Variants in SPTBN1 observed in about 807,000 individuals in gnomAD.
SPTBN1 encodes spectrin beta, non-erythrocytic 1.
Under a neutral mutation model 266.4 loss-of-function variants are expected in SPTBN1, and 32 were observed. The observed-to-expected ratio is 0.12, with a 90% CI of 0.09 to 0.16. SPTBN1 has a LOEUF of 0.16. Among genes scored for constraint, SPTBN1 ranks in the 10% least tolerant of loss-of-function variants. The pLI is 1.00. For synonymous variants in SPTBN1, 1,336 were observed against 1,162.2 expected, an observed-to-expected ratio of 1.15 and a Z score of -3.04; for missense variants, 2,296 against 3,067.1, an observed-to-expected ratio of 0.75 and a Z score of 5.94.
chr2:54,611,171 A>G (rs767144242), intron 3 of SPTBN1, among the ~76,000 whole-genome samples: 5 of 152,236 alleles, frequency 3.3e-5, no homozygotes, highest in Non-Finnish European at 5.9e-5. Context: ...ACATCTATAT[A>G]TATTTTATGC....
rs1359465247 is a variant in SPTBN1 at position 54,649,920 on chromosome 2, G to A, written c.5508G>A (p.Gln1836=). 4.3e-6 allele frequency: 7 copies of A among 1,614,208 alleles called. No individual in the cohort carries two copies. The highest frequency in any genetic ancestry group is 5.9e-6 in the Non-Finnish European group (7 of 1,180,042). Residue 1836 remains glutamine (Q), a synonymous_variant, in exon 26 of 36, where the codon CAG becomes CAA. Coordinates refer to ENST00000356805, the MANE Select transcript of SPTBN1 (RefSeq NM_003128.3). The surrounding 1 kb of genome is among the most constrained non-coding windows in gnomAD (Gnocchi z 6.7). ...KKLPEELGRD[Q]NTVETLQRMH... is the part of the protein sequence containing the mutation. ...TCCCTGAGGAGCTTGGGAGAGATCA[G>A]AACACAGTGGAGACCTTACAGAGAA...
At chr2:54,572,154 T>C (rs946834332) in intron 2 of SPTBN1, among the ~76,000 whole-genome samples, 1 of 152,048 alleles carries the variant, frequency 6.6e-6, no homozygotes, top group African/African-American at 2.4e-5. Context: ...GCCACGGTAC[T>C]AAGGTACTTA....
rs879138624 is a variant in SPTBN1, at chr2:54,668,491, G to C, written c.7017G>C (p.Glu2339Asp). 3.0e-5 allele frequency: 49 copies of C among 1,614,088 alleles called. No individual in the cohort carries two copies. The highest frequency in any genetic ancestry group is 3.9e-5 in the Non-Finnish European group (46 of 1,180,050). Residue 2339 changes from glutamate to aspartate, a missense_variant, in exon 36 of 36, where the codon GAG (glutamate) becomes GAC (aspartate). Physicochemically the swap from Glu to Asp is conservative, Grantham distance 45. This residue lies in a region of SPTBN1 where 347 missense variants were observed against 368.5 expected (regional missense o/e 0.94). Coordinates refer to ENST00000356805, the MANE Select transcript of SPTBN1 (RefSeq NM_003128.3). ...CCAGCGTCGTCACCATCACCAGCGA[G>C]TCCAGTCCCGGCAAGCGGGAAAAGG... Reference protein sequence around the residue: ...LPTSVVTITSESSPGKREKDK... With the variant: ...LPTSVVTITSDSSPGKREKDK...
intron 1 of SPTBN1, chr2:54,515,647 T>G (rs1032387739): frequency 6.6e-6 from 1 of 152,154 alleles, no homozygotes; most frequent in Admixed American, 6.6e-5. Flanking sequence ...TCCTCCCATT[T>G]GAAGATGAAT....
At chr2:54,561,338 T>A (rs1393239379) in intron 2 of SPTBN1, among the ~76,000 whole-genome samples, 1 of 152,240 alleles carries the variant, frequency 6.6e-6, no homozygotes, top group Non-Finnish European at 1.5e-5. Context: ...CTCACCATGT[T>A]GCTCAGGCTG....
chr2:54,670,864 G>C lies in SPTBN1; in HGVS notation c.*2295G>C. 1 of 398,520 alleles carries C rather than the reference G, an allele frequency of 2.5e-6. No homozygotes were observed. Among genetic ancestry groups the C allele is most frequent in the East Asian group, 3.6e-5 (1 of 28,074 alleles). The allele number at this position is 398,520 out of a possible 1,614,324, so 24.7% of individuals were successfully genotyped here. A position where few individuals can be genotyped will look rare whatever the true frequency, so the allele number is the denominator to read the frequency against. ...ATGGGCAGCGAGAGGAGCGTCAGAA[G>C]ACCCCAGTCAAGACGTGTTCGCCAT... On this transcript the variant is annotated 3_prime_UTR_variant, in exon 36 of 36. Coordinates refer to ENST00000356805, the MANE Select transcript of SPTBN1 (RefSeq NM_003128.3).
intron 1 of SPTBN1, among the ~76,000 whole-genome samples, chr2:54,517,056 C>T (rs1439538411): frequency 1.3e-5 from 2 of 152,152 alleles, no homozygotes; most frequent in Non-Finnish European, 2.9e-5. Flanking sequence ...CTCCAAGTAG[C>T]AGGCTTCAGA....
At position 54,558,881 on chromosome 2, in the gene SPTBN1, C is replaced by T. The variant is rs1673073408; in HGVS notation, c.148+32315C>T. On this transcript the variant is annotated intron_variant, in intron 2 of 35. Transcript: ENST00000356805. The surrounding 1 kb of genome is among the most constrained non-coding windows in gnomAD (Gnocchi z 4.6). Reference sequence around the variant, plus strand: ...CCAGCTGGAAGGCAGATTCAAGCAGCTGCAAGGTAAGCCCCCTCCCAAAGG... The same window carrying T: ...CCAGCTGGAAGGCAGATTCAAGCAGTTGCAAGGTAAGCCCCCTCCCAAAGG... 1 of 1,613,324 alleles carries T rather than the reference C, an allele frequency of 6.2e-7. No homozygotes were observed. The highest frequency in any genetic ancestry group is 1.7e-5 in the Admixed American group (1 of 59,940).
Position 54,558,471 on chromosome 2 carries a change from G to A in SPTBN1, c.148+31905G>A, listed in dbSNP as rs1172869975. On this transcript the variant is annotated intron_variant, in intron 2 of 35. Coordinates refer to ENST00000356805, the MANE Select transcript of SPTBN1 (RefSeq NM_003128.3). This position sits in a 1 kb window ranked among gnomAD's most constrained non-coding sequence, Gnocchi z 4.6. ...AGGATTGGCCATATTTAAAAGTTCTGAAGTAGAACCTGCGCCTCCTCTCTG... is the reference window on the plus strand; with the variant it reads ...AGGATTGGCCATATTTAAAAGTTCTAAAGTAGAACCTGCGCCTCCTCTCTG... The A allele has an allele frequency of 9.1e-7, 1 of 1,097,086 alleles. No individual in the cohort carries two copies. Among genetic ancestry groups the A allele is most frequent in the African/African-American group, 1.6e-5 (1 of 60,676 alleles). The allele number at this position is 1,097,086 out of a possible 1,614,324, so 68.0% of individuals were successfully genotyped here. A position where few individuals can be genotyped will look rare whatever the true frequency, so the allele number is the denominator to read the frequency against.
At chr2:54,619,606 C>G (rs2103852989) in intron 7 of SPTBN1, among the ~76,000 whole-genome samples, 1 of 152,326 alleles carries the variant, frequency 6.6e-6, no homozygotes, top group Middle Eastern at 3.4e-3. Context: ...CAAAGAACAT[C>G]AGTTAAAATC....
At chr2:54,491,840 G>A (rs746050042) in intron 1 of SPTBN1, among the ~76,000 whole-genome samples, 1 of 152,110 alleles carries the variant, frequency 6.6e-6, no homozygotes, top group Non-Finnish European at 1.5e-5. Flanking sequence ...GGCTCAGGCA[G>A]TCCTCCACCT....
intron 2 of SPTBN1, chr2:54,527,313 A>ATC (rs1670876883): frequency 1.3e-5 from 2 of 152,254 alleles, no homozygotes; most frequent in African/African-American, 4.8e-5. Flanking sequence ...TTTCAGATGA[A>ATC]GTTTATTCCA....
intron 2 of SPTBN1, chr2:54,557,942 T>TCG: frequency 3.0e-6 from 3 of 985,356 alleles, no homozygotes; most frequent in Non-Finnish European, 3.6e-6. Flanking sequence ...ACTGGGGCAG[T>TCG]CGCGCGCGCC....
At chr2:54,587,522 C>G (rs1420231403) in intron 2 of SPTBN1, among the ~76,000 whole-genome samples, 2 of 152,180 alleles carry the variant, frequency 1.3e-5, no homozygotes, top group African/African-American at 4.8e-5. Flanking sequence ...CTAAGTTTTT[C>G]CTAACTTTTA....
At chr2:54,627,674 C>A (rs1335113430) in intron 12 of SPTBN1, among the ~76,000 whole-genome samples, 1 of 152,150 alleles carries the variant, frequency 6.6e-6, no homozygotes, top group Non-Finnish European at 1.5e-5. Context: ...AAGTCTATCA[C>A]CTTTATTTAT....
In SPTBN1 at chr2:54,668,703, A is replaced by G; in HGVS notation, c.*134A>G. ...TGATTTTTTTTTTTTTTTAATTTATAGAGCATTTCGGGGGGGGTGGGGGAA... is the reference window on the plus strand; with the variant it reads ...TGATTTTTTTTTTTTTTTAATTTATGGAGCATTTCGGGGGGGGTGGGGGAA... On this transcript the variant is annotated 3_prime_UTR_variant, in exon 36 of 36. Transcript: ENST00000356805. 1 of 670,574 alleles carries G rather than the reference A, an allele frequency of 1.5e-6. No homozygotes were observed. 41.5% of individuals were successfully genotyped at this position (670,574 alleles called of 1,614,324 possible). A position where few individuals can be genotyped will look rare whatever the true frequency, so the allele number is the denominator to read the frequency against.
intron 18 of SPTBN1, among the ~76,000 whole-genome samples, chr2:54,641,347 G>A (rs1369822696): frequency 2.6e-5 from 4 of 152,152 alleles, no homozygotes; most frequent in Non-Finnish European, 5.9e-5. Flanking sequence ...TATGAATAGC[G>A]AAAATATGTG....
chr2:54,485,647 C>T (rs1206396250), intron 1 of SPTBN1, among the ~76,000 whole-genome samples: 4 of 152,110 alleles, frequency 2.6e-5, no homozygotes, highest in South Asian at 2.1e-4. Context: ...TCTGCCTGGT[C>T]GCCCATCGTC....
rs149204405 is a variant in SPTBN1, at chr2:54,518,286, AC to A, written c.-47-8085del. Among the ~76,000 whole-genome samples the A allele has an allele frequency of 9.3e-3, 1,412 of 151,768 alleles. 24 individuals are homozygous for A. The highest frequency in any genetic ancestry group is 0.031 in the African/African-American group (1,300 of 41,358). ...ACTTGGACACAGGGCGGGGAACATC[AC>A]ACACCGGGGCCTGTCATGGGGTGGG... On this transcript the variant is annotated intron_variant, in intron 1 of 35. Transcript: ENST00000356805.
Sources: allele counts gnomAD v4.1 joint callset (sites outside exome capture counted in the v4.1 genomes callset), GRCh38; gene constraint gnomAD v4.1.1; regional missense constraint gnomAD v4.1.1; non-coding constraint Gnocchi (gnomAD v3.1); transcripts MANE v1.5; gene names NCBI Gene and HGNC (gene_info 2026-07-23, HGNC 2026-07-21).